PRKCQ: variants seen among roughly 807,000 people sequenced by gnomAD.
PRKCQ encodes protein kinase C theta.
In PRKCQ, 41 loss-of-function variants were observed where a neutral mutation model predicts 91.2. The observed-to-expected ratio is 0.45, with a 90% CI of 0.35 to 0.58. The LOEUF is 0.58. Among genes scored for constraint, PRKCQ ranks in the 20% least tolerant of loss-of-function variants. PRKCQ has a pLI of 0.00. For missense variants in PRKCQ, 673 were observed against 896.5 expected, an observed-to-expected ratio of 0.75 and a Z score of 3.18; for synonymous variants, 307 against 316.9, an observed-to-expected ratio of 0.97 and a Z score of 0.33.
intron 11 of PRKCQ, among the ~76,000 whole-genome samples, chr10:6,481,942 C>T (rs1477175883): frequency 2.6e-5 from 4 of 151,888 alleles, no homozygotes; most frequent in East Asian, 1.9e-4. Context: ...CTGCAGTCAC[C>T]GGTAGTTGGT....
intron 15 of PRKCQ, among the ~76,000 whole-genome samples, chr10:6,445,796 T>C (rs1434862741): frequency 1.3e-5 from 2 of 152,226 alleles, no homozygotes; most frequent in Non-Finnish European, 2.9e-5. Flanking sequence ...TAAGGAAATA[T>C]AAGATGCACC....
chr10:6,424,649 C>G (rs373355578), downstream of PRKCQ, among the ~76,000 whole-genome samples: 8 of 152,294 alleles, frequency 5.3e-5, no homozygotes, highest in East Asian at 1.3e-3. Context: ...TCTGAGAGCT[C>G]AGACCCCTGC....
intron 4 of PRKCQ, among the ~76,000 whole-genome samples, chr10:6,501,506 C>T (rs1056563421): frequency 1.8e-4 from 27 of 151,732 alleles, no homozygotes; most frequent in African/African-American, 6.5e-4. Flanking sequence ...CAACTGCATC[C>T]TAAAGTGTAG....
chr10:6,517,587 T>C (rs1211085808), intron 1 of PRKCQ, among the ~76,000 whole-genome samples: 2 of 97,574 alleles, frequency 2.0e-5, no homozygotes, highest in East Asian at 2.9e-4. Flanking sequence ...TAAGATAGCA[T>C]CTTTTTTTTT....
intron 15 of PRKCQ, among the ~76,000 whole-genome samples, chr10:6,446,199 T>G (rs1307331839): frequency 6.6e-6 from 1 of 152,076 alleles, no homozygotes; most frequent in African/African-American, 2.4e-5. Context: ...TGATTGGGCT[T>G]AGAAAGGCCA....
chr10:6,525,582 T>A (rs2130889051), intron 1 of PRKCQ, among the ~76,000 whole-genome samples: 1 of 152,384 alleles, frequency 6.6e-6, no homozygotes, highest in South Asian at 2.1e-4. Context: ...CAACTAATTC[T>A]GATTTCTGAA....
intron 1 of PRKCQ, among the ~76,000 whole-genome samples, chr10:6,545,587 G>T (rs550533871): frequency 1.3e-3 from 204 of 152,298 alleles, no homozygotes; most frequent in Non-Finnish European, 2.2e-3. Flanking sequence ...GAACTTGGAA[G>T]GGGGGAAATG....
At chr10:6,426,215 C>T (rs1488095304), downstream of PRKCQ, among the ~76,000 whole-genome samples, 1 of 152,186 alleles carries the variant, frequency 6.6e-6, no homozygotes, top group Non-Finnish European at 1.5e-5. Flanking sequence ...CTTTAGATAG[C>T]GTCTTCACCG....
intron 1 of PRKCQ, 159 bp from the exon 2 acceptor site, chr10:6,515,303 G>A (rs1322565899): frequency 6.6e-7 from 1 of 1,506,964 alleles, no homozygotes; most frequent in East Asian, 2.5e-5. Context: ...CTTCTGCAGA[G>A]GACACTGCTG....
chr10:6,499,246 A>G (rs1211592510), intron 4 of PRKCQ, among the ~76,000 whole-genome samples: 1 of 152,242 alleles, frequency 6.6e-6, no homozygotes. Context: ...TGCATTACCT[A>G]GTCATCAGCA....
intron 1 of PRKCQ, among the ~76,000 whole-genome samples, chr10:6,527,750 T>C: frequency 6.6e-6 from 1 of 152,154 alleles, no homozygotes; most frequent in Non-Finnish European, 1.5e-5. Flanking sequence ...TTCTCCCAGA[T>C]GGCCACCGTC....
At chr10:6,403,218 G>A in the PRKCQ span, among the ~76,000 whole-genome samples, 1 of 152,238 alleles carries the variant, frequency 6.6e-6, no homozygotes, top group Non-Finnish European at 1.5e-5. Flanking sequence ...TGTGCAGACG[G>A]TGGACACTCA....
chr10:6,549,432 G>A (rs781112639), intron 1 of PRKCQ, among the ~76,000 whole-genome samples: 3 of 152,122 alleles, frequency 2.0e-5, no homozygotes, highest in African/African-American at 7.2e-5. Context: ...TTCAGAAACA[G>A]TCGACTTATT....
intron 1 of PRKCQ, among the ~76,000 whole-genome samples, chr10:6,559,652 C>T (rs1840550072): frequency 6.6e-6 from 1 of 152,200 alleles, no homozygotes; most frequent in African/African-American, 2.4e-5. Context: ...AGCCACCGTG[C>T]CTGGCCTGTA....
intron 1 of PRKCQ, among the ~76,000 whole-genome samples, chr10:6,519,077 A>G (rs1489851071): frequency 6.6e-6 from 1 of 152,236 alleles, no homozygotes; most frequent in Non-Finnish European, 1.5e-5. Flanking sequence ...CTATCCATCT[A>G]TATTAAGAGC....
intron 1 of PRKCQ, among the ~76,000 whole-genome samples, chr10:6,522,237 C>T (rs72781799): frequency 1.8e-3 from 276 of 152,266 alleles, no homozygotes; most frequent in Non-Finnish European, 3.1e-3. Flanking sequence ...CCATCGCGCC[C>T]GGCCCCTATG....
chr10:6,575,911 G>A (rs962589169), intron 1 of PRKCQ, among the ~76,000 whole-genome samples: 2 of 151,134 alleles, frequency 1.3e-5, no homozygotes, highest in Non-Finnish European at 2.9e-5. Context: ...GTGGCAGCGC[G>A]TGCCTATAGT....
intron 12 of PRKCQ, among the ~76,000 whole-genome samples, chr10:6,474,273 G>A (rs574367851): frequency 6.6e-6 from 1 of 152,284 alleles, no homozygotes; most frequent in African/African-American, 2.4e-5. Flanking sequence ...CTCTTCAGAG[G>A]CCTGCAAAAC....
chr10:6,443,017 G>T (rs1834056949), intron 15 of PRKCQ, among the ~76,000 whole-genome samples: 1 of 152,136 alleles, frequency 6.6e-6, no homozygotes, highest in African/African-American at 2.4e-5. Context: ...ATCTCTAAGA[G>T]CTACCTACAG....
Sources: gnomAD v4.1 joint callset for allele counts (sites outside exome capture counted in the v4.1 genomes callset) on GRCh38, gnomAD v4.1.1 for gene constraint, MANE v1.5 for transcripts, NCBI Gene and HGNC (gene_info 2026-07-23, HGNC 2026-07-21) for gene names.